PTPN14: variants seen among roughly 807,000 people sequenced by gnomAD.
The protein encoded by PTPN14 is protein tyrosine phosphatase non-receptor type 14.
A neutral mutation model predicts 126.8 loss-of-function variants in PTPN14; 53 were observed. That is an observed-to-expected ratio of 0.42 (90% CI 0.34 to 0.53). PTPN14 has a LOEUF of 0.53. Among genes scored for constraint, PTPN14 ranks in the 20% least tolerant of loss-of-function variants. The probability of loss-of-function intolerance (pLI) is 0.08; values close to 1 mark genes in which losing one functional copy is unlikely to be tolerated. For synonymous variants in PTPN14, 630 were observed against 599.3 expected (o/e 1.05, Z -0.75); for missense variants, 1,257 against 1,552.9 (o/e 0.81, Z 3.20).
intron 3 of PTPN14, 76 bp from the exon 4 acceptor site, chr1:214,414,802 T>C (rs1659390208): frequency 8.4e-7 from 1 of 1,193,864 alleles, no homozygotes; most frequent in East Asian, 2.3e-5. Context: ...CAGATGCCTC[T>C]AGATGTAAAA....
intron 1 of PTPN14, among the ~76,000 whole-genome samples, chr1:214,506,912 T>G (rs1178470275): frequency 6.9e-6 from 1 of 145,118 alleles, no homozygotes; most frequent in Non-Finnish European, 1.5e-5. Context: ...AGCGCGGGTT[T>G]TTTTTTTTTT....
At chr1:214,477,697 C>T (rs1248500999) in intron 1 of PTPN14, among the ~76,000 whole-genome samples, 1 of 152,202 alleles carries the variant, frequency 6.6e-6, no homozygotes, top group African/African-American at 2.4e-5. Context: ...GGCTCTTCCC[C>T]TGTCTGCAAC....
rs568375121 is a variant in PTPN14, at chr1:214,414,634, A to C, written c.437T>G (p.Val146Gly). Residue 146 changes from valine to glycine, a missense_variant, in exon 4 of 19, where the codon GTG (valine) becomes GGG (glycine). Coordinates refer to ENST00000366956, the MANE Select transcript of PTPN14 (RefSeq NM_005401.5). ...TGCTCATAACTATGTCTTACCTTGCACAGCTAGGCCGGCTAGCCGAATCAC... is the reference window on the plus strand; with the variant it reads ...TGCTCATAACTATGTCTTACCTTGCCCAGCTAGGCCGGCTAGCCGAATCAC... ...DQVIRLAGLA[V>G]QADFGDYNQF... The C allele has an allele frequency of 1.9e-5, 31 of 1,613,196 alleles. No homozygotes were observed. The African/African-American group carries it at 3.7e-4, about 19-fold the overall frequency.
intron 7 of PTPN14, among the ~76,000 whole-genome samples, chr1:214,401,475 T>G (rs1659016403): frequency 6.6e-6 from 1 of 152,250 alleles, no homozygotes; most frequent in African/African-American, 2.4e-5. Flanking sequence ...ACTGTCTTAT[T>G]GAACTATTCT....
rs906389771 is a variant in PTPN14, at chr1:214,364,164, T to A, written c.3435+348A>T. On this transcript the variant is annotated intron_variant, in intron 18 of 18. Coordinates refer to ENST00000366956, the MANE Select transcript of PTPN14 (RefSeq NM_005401.5). This position sits in a 1 kb window ranked among gnomAD's most constrained non-coding sequence, Gnocchi z 4.1. ...CAAGATGCATCGAAACTATATGGGG[T>A]CAAATAACTCACCATGGAAAATTAC... Among the ~76,000 whole-genome samples, 1 of 152,024 alleles carries A rather than the reference T, an allele frequency of 6.6e-6. No homozygotes were observed. Among genetic ancestry groups the A allele is most frequent in the Non-Finnish European group, 1.5e-5 (1 of 68,018 alleles).
In PTPN14 at chr1:214,349,609, T is replaced by C. The variant is rs1207879948; in HGVS notation, c.*8313A>G. On this transcript the variant is annotated 3_prime_UTR_variant, in exon 19 of 19. Coordinates refer to ENST00000366956, the MANE Select transcript of PTPN14 (RefSeq NM_005401.5). ...AAGTTACATAAGGTTACACATTTAT[T>C]AGTAATTTGCATATTTAAACCTTTT... 6.6e-6 allele frequency: 1 copy of C among 152,234 alleles called. No individual in the cohort carries two copies. The highest frequency in any genetic ancestry group is 1.9e-4 in the East Asian group (1 of 5,192). 9.4% of individuals were successfully genotyped at this position (152,234 alleles called of 1,614,324 possible). A position where few individuals can be genotyped will look rare whatever the true frequency, so the allele number is the denominator to read the frequency against.
At chr1:214,423,497 T>G (rs775000282) in intron 3 of PTPN14, among the ~76,000 whole-genome samples, 1 of 152,172 alleles carries the variant, frequency 6.6e-6, no homozygotes, top group Non-Finnish European at 1.5e-5. Context: ...TTTCCAAGTT[T>G]TGTCCCTAAG....
At chr1:214,539,306 T>C (rs530096081) in intron 1 of PTPN14, among the ~76,000 whole-genome samples, 7 of 152,332 alleles carry the variant, frequency 4.6e-5, no homozygotes, top group African/African-American at 1.7e-4. Context: ...AAAATGAATT[T>C]AGCTTTGAAA....
At chr1:214,403,501 A>T (rs1659085964) in intron 5 of PTPN14, among the ~76,000 whole-genome samples, 1 of 152,180 alleles carries the variant, frequency 6.6e-6, no homozygotes, top group Non-Finnish European at 1.5e-5. Flanking sequence ...GAGCTCTGTA[A>T]GGCAACAGTT....
At chr1:214,471,406 G>T (rs1660756430) in intron 1 of PTPN14, among the ~76,000 whole-genome samples, 1 of 152,172 alleles carries the variant, frequency 6.6e-6, no homozygotes, top group Non-Finnish European at 1.5e-5. Context: ...TTTAGCCTCA[G>T]TCTACTCACT....
intron 1 of PTPN14, among the ~76,000 whole-genome samples, chr1:214,485,827 G>A (rs1571614497): frequency 2.0e-5 from 3 of 151,928 alleles, no homozygotes; most frequent in South Asian, 2.1e-4. Flanking sequence ...CCGGGTTCAC[G>A]CCATTCTCCT....
At chr1:214,369,075 C>A (rs886407891) in intron 17 of PTPN14, among the ~76,000 whole-genome samples, 3 of 152,190 alleles carry the variant, frequency 2.0e-5, no homozygotes, top group Non-Finnish European at 4.4e-5. Context: ...ATTCTAGGAA[C>A]CTCATATAAG....
intron 6 of PTPN14, 57 bp from the exon 7 acceptor site, chr1:214,401,829 C>T: frequency 7.2e-7 from 1 of 1,385,732 alleles, no homozygotes; most frequent in Non-Finnish European, 1.0e-6. Flanking sequence ...GTGGAAGATC[C>T]CACTCTCCTG....
chr1:214,410,175 G>C (rs1050410785), intron 5 of PTPN14, among the ~76,000 whole-genome samples: 1 of 151,606 alleles, frequency 6.6e-6, no homozygotes, highest in African/African-American at 2.4e-5. Flanking sequence ...TTTTACTTTT[G>C]TTGCCTATGT....
rs776388847 is a variant in PTPN14 at position 214,369,674 on chromosome 1, T to G, written c.3054A>C (p.Lys1018Asn). The change falls in exon 17 of 19, where the codon AAA (lysine) becomes AAC (asparagine). Residue 1018 changes from lysine to asparagine, a missense_variant. Around this residue, in one of 3 missense-constraint regions of PTPN14, gnomAD observed 171 missense variants for 229.8 expected, o/e 0.74. Transcript: ENST00000366956. ...VTAEEEGGRT[K>N]SHRYWPKLGS... ...CTAGTTTGGGCCAGTATCGGTGGCT[T>G]TTGGTTCGTCCACCCTCCTAAATCA... 2.5e-6 allele frequency: 4 copies of G among 1,614,008 alleles called. No individual in the cohort carries two copies. The East Asian group carries it at 8.9e-5, about 36-fold the overall frequency.
chr1:214,468,377 G>A (rs1660686526), intron 1 of PTPN14, among the ~76,000 whole-genome samples: 1 of 152,156 alleles, frequency 6.6e-6, no homozygotes, highest in Admixed American at 6.5e-5. Context: ...CCAACATGGT[G>A]AAACCTAGTC....
At chr1:214,464,050 T>C (rs1660569862) in intron 2 of PTPN14, among the ~76,000 whole-genome samples, 1 of 152,140 alleles carries the variant, frequency 6.6e-6, no homozygotes, top group Admixed American at 6.5e-5. Flanking sequence ...AAAAGCCATC[T>C]CACAGACGGC....
chr1:214,414,740 T>C lies in PTPN14; in HGVS notation c.345-14A>G, dbSNP rs765555516. 13 of 1,588,908 alleles carry C rather than the reference T, an allele frequency of 8.2e-6. No homozygotes were observed. Among genetic ancestry groups the C allele is most frequent in the East Asian group, 6.7e-5 (3 of 44,780 alleles). Reference sequence around the variant, plus strand: ...TAATACTGATATCTGTTCATGGGAATAGAGGAACAAACAACCTTAAAAACA... The same window carrying C: ...TAATACTGATATCTGTTCATGGGAACAGAGGAACAAACAACCTTAAAAACA... On this transcript the variant is annotated splice_polypyrimidine_tract_variant and intron_variant, in intron 3 of 18. Transcript: ENST00000366956.
chr1:214,361,041 T>C (rs1657943953), intron 18 of PTPN14, among the ~76,000 whole-genome samples: 1 of 152,210 alleles, frequency 6.6e-6, no homozygotes, highest in South Asian at 2.1e-4. Flanking sequence ...ACCATGATTG[T>C]AAGTTTCCTG....
Sources: gnomAD v4.1 joint callset for allele counts (sites outside exome capture counted in the v4.1 genomes callset) on GRCh38, gnomAD v4.1.1 for gene constraint, gnomAD v4.1.1 regional missense constraint, Gnocchi (gnomAD v3.1) non-coding constraint, MANE v1.5 for transcripts, NCBI Gene and HGNC (gene_info 2026-07-23, HGNC 2026-07-21) for gene names.